The following CTNNA3 variants were observed in gnomAD, a reference collection of about 807,000 sequenced individuals.
The protein encoded by CTNNA3 is catenin alpha-3.
A neutral mutation model predicts 95.7 loss-of-function variants in CTNNA3; 76 were observed. The observed-to-expected ratio is 0.79, with a 90% confidence interval of 0.66 to 0.96. The LOEUF is 0.96. CTNNA3 is among the 40% of genes least tolerant of loss of function. The pLI is 0.00. For synonymous variants in CTNNA3, 431 were observed against 374.4 expected (o/e 1.15, Z -1.74); for missense variants, 1,191 against 1,089.8 (o/e 1.09, Z -1.31).
rs538263477 is a variant in CTNNA3 at position 65,924,213 on chromosome 10, T to A, written c.2401-3596A>T. Among the ~76,000 whole-genome samples, 5 of 151,884 alleles carry A rather than the reference T, an allele frequency of 3.3e-5. No individual in the cohort carries two copies. The South Asian group carries it at 1.0e-3, about 32-fold the overall frequency. ...CTTTCCCATGTAGAGCCAGCAAGAG[T>A]GGGTTAGGTATGGCATGGTTCTCTC... is the stretch of plus-strand genomic sequence containing the variant. On this transcript the variant is annotated intron_variant, in intron 17 of 17. Coordinates refer to ENST00000433211, the MANE Select transcript of CTNNA3 (RefSeq NM_013266.4).
chr10:66,067,302 G>C (rs991597820), intron 15 of CTNNA3, among the ~76,000 whole-genome samples: 1 of 152,052 alleles, frequency 6.6e-6, no homozygotes, highest in African/African-American at 2.4e-5. Flanking sequence ...TTCCAGCGAG[G>C]GTCTTGCCCC....
At chr10:67,476,963 CAG>C (rs1315140785) in intron 5 of CTNNA3, among the ~76,000 whole-genome samples, 1 of 151,810 alleles carries the variant, frequency 6.6e-6, no homozygotes, top group African/African-American at 2.4e-5. Context: ...CCTTGCTGTG[CAG>C]AGATTATGAT....
chr10:65,979,674 A>G, intron 16 of CTNNA3, among the ~76,000 whole-genome samples: 1 of 152,106 alleles, frequency 6.6e-6, no homozygotes, highest in African/African-American at 2.4e-5. Flanking sequence ...TTTTGTAACT[A>G]TACATGAAGT....
intron 12 of CTNNA3, among the ~76,000 whole-genome samples, chr10:66,331,338 G>GCTTGCTTGCTT (rs1417713676): frequency 1.8e-4 from 7 of 39,116 alleles, no homozygotes; most frequent in African/African-American, 5.0e-4. Context: ...TTTCCCCATT[G>GCTTGCTTGCTT]TTTGTTTTTT....
Position 65,997,746 on chromosome 10 carries a change from G to C in CTNNA3, c.2160-8949C>G, listed in dbSNP as rs373557082. Among the ~76,000 whole-genome samples, 12 of 152,176 alleles carry C rather than the reference G, an allele frequency of 7.9e-5. No homozygotes were observed. The East Asian group carries it at 1.2e-3, about 15-fold the overall frequency. ...AGTAAAAGAAAAACGTCCGGGAGCA[G>C]TGGCTTCTGCCTGTAATCCCAGCAC... is the stretch of plus-strand genomic sequence containing the variant. On this transcript the variant is annotated intron_variant, in intron 15 of 17. Coordinates refer to ENST00000433211, the MANE Select transcript of CTNNA3 (RefSeq NM_013266.4).
intron 7 of CTNNA3, among the ~76,000 whole-genome samples, chr10:66,790,965 C>T (rs1301355893): frequency 2.6e-5 from 4 of 152,096 alleles, no homozygotes; most frequent in Non-Finnish European, 4.4e-5. Context: ...TTACCTTTAC[C>T]ATCGCCATTA....
intron 12 of CTNNA3, among the ~76,000 whole-genome samples, chr10:66,346,448 T>G (rs2092520691): frequency 6.6e-6 from 1 of 151,702 alleles, no homozygotes; most frequent in African/African-American, 2.4e-5. Flanking sequence ...TCGGCTAAGT[T>G]TTGTATTTTT....
chr10:66,082,042 C>T (rs10996883), intron 14 of CTNNA3, among the ~76,000 whole-genome samples: 2,428 of 151,940 alleles, frequency 0.016, 35 homozygotes, highest in South Asian at 0.043. Flanking sequence ...CGCTTGAACC[C>T]GGGAGGCTGA....
chr10:66,654,576 A>C (rs1025737535), intron 9 of CTNNA3, among the ~76,000 whole-genome samples: 4 of 152,058 alleles, frequency 2.6e-5, no homozygotes, highest in Non-Finnish European at 5.9e-5. Context: ...ATACCACTAC[A>C]ATATGATCTT....
At chr10:67,479,804 T>C (rs1848149157) in intron 5 of CTNNA3, among the ~76,000 whole-genome samples, 1 of 151,846 alleles carries the variant, frequency 6.6e-6, no homozygotes, top group South Asian at 2.1e-4. Context: ...CAAAAGTTGG[T>C]TTTTTGCAAG....
At chr10:66,774,985 A>G (rs1471255725) in intron 8 of CTNNA3, among the ~76,000 whole-genome samples, 1 of 152,218 alleles carries the variant, frequency 6.6e-6, no homozygotes, top group Non-Finnish European at 1.5e-5. Context: ...TCTCTGAATT[A>G]CTTACTAGTT....
intron 3 of CTNNA3, among the ~76,000 whole-genome samples, chr10:67,578,848 C>T (rs1156612833): frequency 2.0e-5 from 3 of 151,834 alleles, no homozygotes; most frequent in Admixed American, 6.6e-5. Flanking sequence ...TGATGGGATA[C>T]TGCATTTTCT....
At chr10:67,312,384 A>G (rs987008037) in intron 5 of CTNNA3, among the ~76,000 whole-genome samples, 5 of 152,186 alleles carry the variant, frequency 3.3e-5, no homozygotes, top group African/African-American at 1.2e-4. Flanking sequence ...AATTACATTT[A>G]AAAGAAATTT....
chr10:66,181,384 C>A (rs939396042), intron 13 of CTNNA3, among the ~76,000 whole-genome samples: 3 of 152,120 alleles, frequency 2.0e-5, no homozygotes, highest in Non-Finnish European at 4.4e-5. Flanking sequence ...CTCTAAAATA[C>A]AAAAACATAA....
intron 5 of CTNNA3, among the ~76,000 whole-genome samples, chr10:67,349,058 G>A (rs2132637945): frequency 6.6e-6 from 1 of 152,250 alleles, no homozygotes; most frequent in Admixed American, 6.5e-5. Flanking sequence ...TGAAAGATAA[G>A]TGTTGTCAAG....
intron 5 of CTNNA3, among the ~76,000 whole-genome samples, chr10:67,477,925 A>C (rs2133044381): frequency 6.6e-6 from 1 of 152,356 alleles, no homozygotes; most frequent in Non-Finnish European, 1.5e-5. Context: ...GTTGAAAATC[A>C]ACACAAAGAA....
intron 5 of CTNNA3, among the ~76,000 whole-genome samples, chr10:67,473,414 T>C (rs1847896434): frequency 6.6e-6 from 1 of 152,206 alleles, no homozygotes; most frequent in Admixed American, 6.5e-5. Context: ...AAAAAATCCA[T>C]AACATTTGTA....
intron 9 of CTNNA3, among the ~76,000 whole-genome samples, chr10:66,740,622 G>A (rs1194991249): frequency 1.3e-5 from 2 of 152,094 alleles, no homozygotes; most frequent in Non-Finnish European, 2.9e-5. Context: ...TTTTCTCTGT[G>A]TGAAAATGCT....
chr10:67,455,110 G>A (rs1337942847), intron 5 of CTNNA3, among the ~76,000 whole-genome samples: 2 of 152,038 alleles, frequency 1.3e-5, no homozygotes, highest in East Asian at 3.9e-4. Context: ...TCCTCCAGAT[G>A]ATTCGATTGT....
Sources: allele counts gnomAD v4.1 joint callset (sites outside exome capture counted in the v4.1 genomes callset), GRCh38; gene constraint gnomAD v4.1.1; transcripts MANE v1.5; gene names NCBI Gene and HGNC (gene_info 2026-07-23, HGNC 2026-07-21).